The following ADCYAP1R1 variants were observed in gnomAD, a reference collection of about 807,000 sequenced individuals.
ADCYAP1R1 encodes the protein pituitary adenylate cyclase-activating polypeptide type I receptor.
In ADCYAP1R1, 44 loss-of-function variants were observed where a neutral mutation model predicts 67.6. That is an observed-to-expected ratio of 0.65 (90% confidence interval 0.51 to 0.84). The LOEUF (loss-of-function observed/expected upper bound fraction) is 0.84. ADCYAP1R1 is among the 40% of genes least tolerant of loss of function. ADCYAP1R1 has a pLI of 0.00. For missense variants in ADCYAP1R1, 477 were observed against 587.9 expected (o/e 0.81, Z 1.95); for synonymous variants, 222 against 219.6 (o/e 1.01, Z -0.10).
In ADCYAP1R1 at chr7:31,106,871, C is replaced by T. The variant is rs1192511759; in HGVS notation, c.*187C>T. On this transcript the variant is annotated 3_prime_UTR_variant, in exon 16 of 16. Coordinates refer to ENST00000304166, the MANE Select transcript of ADCYAP1R1 (RefSeq NM_001118.5). ...TCCCCTCCTTGTTTTGGTACTGGTC[C>T]CACCCACTGTGGTCCCCTGGGCCCT... 2 of 701,956 alleles carry T rather than the reference C, an allele frequency of 2.8e-6. No individual in the cohort carries two copies. Among genetic ancestry groups the T allele is most frequent in the Non-Finnish European group, 4.5e-6 (2 of 444,192 alleles). The allele number at this position is 701,956 out of a possible 1,614,324, so 43.5% of individuals were successfully genotyped here. A position where few individuals can be genotyped will look rare whatever the true frequency, so the allele number is the denominator to read the frequency against.
intron 5 of ADCYAP1R1, among the ~76,000 whole-genome samples, chr7:31,081,150 G>A (rs540169909): frequency 6.6e-6 from 1 of 152,160 alleles, no homozygotes; most frequent in Non-Finnish European, 1.5e-5. Context: ...TGAGAAGCGG[G>A]GATGGGGTGG....
At chr7:31,098,311 A>G (rs969101164) in intron 13 of ADCYAP1R1, among the ~76,000 whole-genome samples, 2 of 152,226 alleles carry the variant, frequency 1.3e-5, no homozygotes, top group African/African-American at 4.8e-5. Context: ...AAACATACTT[A>G]TTTGAGTCTG....
intron 13 of ADCYAP1R1, among the ~76,000 whole-genome samples, chr7:31,093,594 C>T (rs1431284590): frequency 1.3e-5 from 2 of 152,014 alleles, no homozygotes; most frequent in African/African-American, 2.4e-5. Flanking sequence ...TGGTTGTCCC[C>T]TGTGGTTGGC....
chr7:31,099,596 G>A (rs1375567063), intron 13 of ADCYAP1R1, among the ~76,000 whole-genome samples: 2 of 152,200 alleles, frequency 1.3e-5, no homozygotes, highest in Admixed American at 6.5e-5. Flanking sequence ...GTGGACCAGA[G>A]GAGAGGGAGA....
intron 12 of ADCYAP1R1, among the ~76,000 whole-genome samples, chr7:31,090,888 G>A (rs898987962): frequency 4.6e-5 from 7 of 152,176 alleles, no homozygotes; most frequent in African/African-American, 1.2e-4. Context: ...ATACCAATGC[G>A]TGTGTCTTTT....
At chr7:31,096,778 G>T (rs1299248789) in intron 13 of ADCYAP1R1, among the ~76,000 whole-genome samples, 4 of 152,116 alleles carry the variant, frequency 2.6e-5, no homozygotes, top group East Asian at 1.9e-4. Context: ...GGCTCCGGGG[G>T]TGCACAGCAT....
At chr7:31,098,914 T>TG (rs1325407295) in intron 13 of ADCYAP1R1, among the ~76,000 whole-genome samples, 5 of 152,196 alleles carry the variant, frequency 3.3e-5, no homozygotes, top group Admixed American at 2.0e-4. Flanking sequence ...ATTAATTCAT[T>TG]GACCAGCACC....
intron 1 of ADCYAP1R1, among the ~76,000 whole-genome samples, chr7:31,062,316 C>A (rs6969839): frequency 0.1 from 15,246 of 152,178 alleles, 814 homozygotes; most frequent in Non-Finnish European, 0.11. Context: ...GCAGGCCTGC[C>A]CCCTTGGAGC....
intron 13 of ADCYAP1R1, chr7:31,100,286 G>GCTCTCCACTCTCCTCC: frequency 2.1e-6 from 3 of 1,410,904 alleles, no homozygotes; most frequent in Non-Finnish European, 2.9e-6. Context: ...GCCGCTGCTG[G>GCTCTCCACTCTCCTCC]AGGAGAGTGG....
At chr7:31,070,203 GT>G (rs1467323464) in intron 3 of ADCYAP1R1, among the ~76,000 whole-genome samples, 1 of 152,246 alleles carries the variant, frequency 6.6e-6, no homozygotes, top group Non-Finnish European at 1.5e-5. Flanking sequence ...CCCAGGCTCC[GT>G]TCCTTCTGCA....
chr7:31,087,462 G>C (rs1285168259), intron 11 of ADCYAP1R1, among the ~76,000 whole-genome samples, 165 bp from the exon 12 acceptor site: 1 of 152,222 alleles, frequency 6.6e-6, no homozygotes, highest in East Asian at 1.9e-4. Context: ...CCAGGACCAG[G>C]CTGGAGTCTG....
intron 4 of ADCYAP1R1, among the ~76,000 whole-genome samples, chr7:31,079,386 G>A (rs1322221490): frequency 1.3e-5 from 2 of 152,198 alleles, no homozygotes; most frequent in South Asian, 2.1e-4. Context: ...AGCCATGGGC[G>A]GGGGCTCCCG....
At chr7:31,063,654 C>G (rs1213043147) in intron 2 of ADCYAP1R1, among the ~76,000 whole-genome samples, 2 of 152,180 alleles carry the variant, frequency 1.3e-5, no homozygotes, top group Non-Finnish European at 2.9e-5. Flanking sequence ...CCCACAATGC[C>G]CTGCCAGGAT....
chr7:31,100,239 G>T, intron 13 of ADCYAP1R1: 1 of 1,547,552 alleles, frequency 6.5e-7, no homozygotes, highest in East Asian at 2.4e-5. Flanking sequence ...GGCTGTGGCC[G>T]GGAATCCTGG....
At chr7:31,081,907 G>T (rs1795531391) in intron 6 of ADCYAP1R1, among the ~76,000 whole-genome samples, 153 bp downstream of exon 6, 1 of 152,188 alleles carries the variant, frequency 6.6e-6, no homozygotes, top group Non-Finnish European at 1.5e-5. Context: ...TAAAGGTACA[G>T]ATTATCTTCA....
In ADCYAP1R1 at chr7:31,094,577, T is replaced by TG. The variant is rs540127042; in HGVS notation, c.1046+1849dup. On this transcript the variant is annotated intron_variant, in intron 13 of 15. Transcript: ENST00000304166. ...ACTGAGGGCCCCCCAACCTCTTCTC[T>TG]GGGGGGGTCCTCTCAGCTTTCCCTA... Among the ~76,000 whole-genome samples, 6 of 151,882 alleles carry TG rather than the reference T, an allele frequency of 4.0e-5. No individual in the cohort carries two copies. The South Asian group carries it at 6.2e-4, about 16-fold the overall frequency.
chr7:31,103,189 C>T (rs1296985929), intron 13 of ADCYAP1R1, 48 bp from the exon 14 acceptor site: 12 of 1,600,760 alleles, frequency 7.5e-6, no homozygotes, highest in Non-Finnish European at 1.0e-5. Context: ...GGCTCTGGCC[C>T]CGAGCCCTGG....
At position 31,106,507 on chromosome 7, in the gene ADCYAP1R1, G is replaced by A; in HGVS notation, c.1230G>A (p.Glu410=). The change falls in exon 16 of 16, where the codon GAG becomes GAA. Residue 410 remains glutamate (E), a synonymous_variant. Transcript: ENST00000304166. ...TTTGCTCCCTGCAGGTACAAGCGGAGATCAAGCGAAAATGGCGAAGCTGGA... is the reference window on the plus strand; with the variant it reads ...TTTGCTCCCTGCAGGTACAAGCGGAAATCAAGCGAAAATGGCGAAGCTGGA... ...YCFLNGEVQA[E]IKRKWRSWKV... The A allele has an allele frequency of 6.2e-7, 1 of 1,609,018 alleles. No homozygotes were observed. Among genetic ancestry groups the A allele is most frequent in the Non-Finnish European group, 8.5e-7 (1 of 1,177,400 alleles).
At chr7:31,071,398 A>G (rs1794973358) in intron 3 of ADCYAP1R1, among the ~76,000 whole-genome samples, 1 of 152,052 alleles carries the variant, frequency 6.6e-6, no homozygotes, top group Non-Finnish European at 1.5e-5. Context: ...TCCTCTCCCC[A>G]TGTCCCCCAG....
Sources: allele counts gnomAD v4.1 joint callset (sites outside exome capture counted in the v4.1 genomes callset), GRCh38; gene constraint gnomAD v4.1.1; transcripts MANE v1.5; gene names NCBI Gene and HGNC (gene_info 2026-07-23, HGNC 2026-07-21).